Variants in MEGF6 observed in about 807,000 individuals in gnomAD.
The protein encoded by MEGF6 is multiple epidermal growth factor-like domains protein 6.
In MEGF6, 184 loss-of-function variants were observed where a neutral mutation model predicts 207.1. The ratio of observed to expected loss-of-function variants is 0.89; its 90% CI spans 0.79 to 1.00. The LOEUF is 1.00. Among genes scored for constraint, MEGF6 ranks in the 50% least tolerant of loss-of-function variants. MEGF6 has a pLI of 0.00. For synonymous variants in MEGF6, 1,038 were observed against 910.0 expected (o/e 1.14, Z -2.53); for missense variants, 2,282 against 2,202.9 (o/e 1.04, Z -0.72).
At chr1:3,540,377 C>A (rs551192581) in intron 4 of MEGF6, among the ~76,000 whole-genome samples, 47 of 152,344 alleles carry the variant, frequency 3.1e-4, no homozygotes, top group African/African-American at 1.1e-3. Context: ...GGGAAGACAG[C>A]CAGCTGAAGA....
At chr1:3,517,275 G>T (rs577455756) in intron 5 of MEGF6, among the ~76,000 whole-genome samples, 1 of 152,320 alleles carries the variant, frequency 6.6e-6, no homozygotes, top group East Asian at 1.9e-4. Context: ...CGGCAGGGCT[G>T]GGAAAGAAAG....
chr1:3,492,616 CT>C, intron 35 of MEGF6, 22 bp downstream of exon 35: 1 of 1,601,346 alleles, frequency 6.2e-7, no homozygotes, highest in Non-Finnish European at 8.5e-7. Flanking sequence ...CCTTCCCGCC[CT>C]TCCCCAGGAA....
rs1640811715 is a variant in MEGF6, at chr1:3,500,536, G to C, written c.2707+97C>G. 11 of 1,439,590 alleles carry C rather than the reference G, an allele frequency of 7.6e-6. No individual in the cohort carries two copies. The East Asian group carries it at 2.8e-4, about 36-fold the overall frequency. The allele number at this position is 1,439,590 out of a possible 1,614,324, so 89.2% of individuals were successfully genotyped here. A position where few individuals can be genotyped will look rare whatever the true frequency, so the allele number is the denominator to read the frequency against. ...AGGCTTCGTGTGTGTGCGTGCAGGA[G>C]GGAGTACGGTCAAAGGCTTTGTGTG... On this transcript the variant is annotated intron_variant, in intron 21 of 36. Transcript: ENST00000356575.
chr1:3,514,727 G>C, intron 6 of MEGF6, 55 bp from the exon 7 acceptor site: 1 of 1,497,622 alleles, frequency 6.7e-7, no homozygotes. Flanking sequence ...AGTGGCTGCA[G>C]GGCGCCTGCC....
chr1:3,531,248 C>T (rs973167789), intron 4 of MEGF6: 12 of 1,391,092 alleles, frequency 8.6e-6, no homozygotes, highest in Non-Finnish European at 1.0e-5. Context: ...GCCCCCATGG[C>T]CTGGTAGGCC....
chr1:3,505,226 C>G lies in MEGF6; in HGVS notation c.2170G>C (p.Gly724Arg), dbSNP rs1238347309. Residue 724 changes from glycine (G) to arginine (R), a missense_variant, in exon 17 of 37, where the codon GGA becomes CGA. Transcript: ENST00000356575. ...CGKRCPAGFQ[G>R]EDCGQECPVG... ...CACTCACCTTGGCCACAGTCCTCTC[C>G]CTGGAAGCCAGCAGGACACCGCTTC... 2.1e-5 allele frequency: 34 copies of G among 1,611,820 alleles called. 1 individual carries two copies. Among genetic ancestry groups the G allele is most frequent in the African/African-American group, 2.7e-5 (2 of 74,906 alleles).
At chr1:3,496,401 G>A (rs1640606774) in intron 29 of MEGF6, among the ~76,000 whole-genome samples, 1 of 152,266 alleles carries the variant, frequency 6.6e-6, no homozygotes. Context: ...GGCAGACATG[G>A]CGCAGGTCGC....
Position 3,602,603 on chromosome 1 carries a change from G to A in MEGF6, c.132-3C>T, listed in dbSNP as rs375071290. 455 of 1,604,742 alleles carry A rather than the reference G, an allele frequency of 2.8e-4. 1 individual carries two copies. The African/African-American group carries it at 5.5e-3, about 19-fold the overall frequency. ...CCTGCTCAGCACACACGTGGGGCCT[G>A]GAACAGAGACACGGAGAGTCAGCGC... is the stretch of plus-strand genomic sequence containing the variant. On this transcript the variant is annotated splice_region_variant and splice_polypyrimidine_tract_variant and intron_variant, in intron 1 of 36. Coordinates refer to ENST00000356575, the MANE Select transcript of MEGF6 (RefSeq NM_001409.4).
At chr1:3,582,656 C>T (rs1458581253) in intron 3 of MEGF6, among the ~76,000 whole-genome samples, 1 of 152,172 alleles carries the variant, frequency 6.6e-6, no homozygotes, top group Non-Finnish European at 1.5e-5. Context: ...ACACCGCGGC[C>T]CCCAGATCCT....
Position 3,498,776 on chromosome 1 carries a change from G to A in MEGF6, c.3145C>T (p.Gln1049Ter). 5 of 1,556,970 alleles carry A rather than the reference G, an allele frequency of 3.2e-6. No homozygotes were observed. The highest frequency in any genetic ancestry group is 3.5e-6 in the Non-Finnish European group (4 of 1,151,018). The change falls in exon 25 of 37, where the codon CAG becomes TAG. Residue 1049 changes from glutamine (Q) to a stop codon, truncating the protein, a stop_gained. Coordinates refer to ENST00000356575, the MANE Select transcript of MEGF6 (RefSeq NM_001409.4). LOFTEE classifies it high-confidence loss of function. ...GDNCRHSCLCQNGGTCDPVSG... is the reference protein window; with the variant it reads ...GDNCRHSCLC ...ACAGGGTCACAGGTCCCTCCGTTCT[G>A]GCAGAGGCAGGAATGCCGACAGTTG...
chr1:3,608,093 G>A (rs992998606), intron 1 of MEGF6, among the ~76,000 whole-genome samples: 1 of 152,116 alleles, frequency 6.6e-6, no homozygotes, highest in Admixed American at 6.5e-5. Flanking sequence ...TCAGGCCAAC[G>A]GCCTCGCGCT....
At chr1:3,533,455 T>C (rs1426004798) in intron 4 of MEGF6, among the ~76,000 whole-genome samples, 2 of 152,244 alleles carry the variant, frequency 1.3e-5, no homozygotes, top group Non-Finnish European at 2.9e-5. Context: ...ATGACCGTAA[T>C]GTGCAACTCA....
chr1:3,595,486 G>A (rs1644049157), intron 2 of MEGF6, 39 bp from the exon 3 acceptor site: 1 of 1,554,858 alleles, frequency 6.4e-7, no homozygotes, highest in Non-Finnish European at 8.9e-7. Flanking sequence ...TACCGTCGCG[G>A]GACTGGCTGT....
chr1:3,577,819 T>C (rs1287081642), intron 4 of MEGF6, among the ~76,000 whole-genome samples: 1 of 152,158 alleles, frequency 6.6e-6, no homozygotes, highest in Admixed American at 6.5e-5. Flanking sequence ...CCCCTCCCAC[T>C]GGGCATGGAG....
chr1:3,490,567 G>A lies in MEGF6; in HGVS notation c.4587C>T (p.Ser1529=), dbSNP rs200612020. The A allele has an allele frequency of 2.0e-4, 326 of 1,613,306 alleles. No individual in the cohort carries two copies. Among genetic ancestry groups the A allele is most frequent in the Non-Finnish European group, 2.7e-4 (316 of 1,179,906 alleles). ...GTCCACCGCTCCGGGATGTGGGTCT[G>A]CTGGAGGCGGGCAGTGTGCCCGCTG... ...QGSAGTLPAS[S]RPTSRSGGPA... Residue 1529 remains serine, a synonymous_variant, in exon 37 of 37, where the codon AGC becomes AGT. Coordinates refer to ENST00000356575, the MANE Select transcript of MEGF6 (RefSeq NM_001409.4).
chr1:3,575,239 C>T (rs982314500), intron 4 of MEGF6, among the ~76,000 whole-genome samples: 7 of 152,270 alleles, frequency 4.6e-5, no homozygotes, highest in East Asian at 3.9e-4. Flanking sequence ...AGGTGGGACC[C>T]GGGTGCAAAG....
intron 26 of MEGF6, chr1:3,497,661 T>G: frequency 1.8e-6 from 1 of 566,760 alleles, no homozygotes; most frequent in Non-Finnish European, 3.3e-6. Context: ...GCTCAGCCTC[T>G]GGCAGCCCCG....
At chr1:3,613,382 C>G (rs114556096), upstream of MEGF6, among the ~76,000 whole-genome samples, 2 of 152,230 alleles carry the variant, frequency 1.3e-5, no homozygotes, top group East Asian at 1.9e-4. Flanking sequence ...GTGTCTCCCC[C>G]ACCCTGAGAG....
At chr1:3,563,542 C>T (rs898612679) in intron 4 of MEGF6, among the ~76,000 whole-genome samples, 4 of 152,304 alleles carry the variant, frequency 2.6e-5, no homozygotes, top group East Asian at 1.9e-4. Context: ...AGCCCCCGAT[C>T]GTGCCTGGCA....
Sources: allele counts gnomAD v4.1 joint callset (sites outside exome capture counted in the v4.1 genomes callset), GRCh38; gene constraint gnomAD v4.1.1; transcripts MANE v1.5; gene names NCBI Gene and HGNC (gene_info 2026-07-23, HGNC 2026-07-21).